Variants in LPA observed in about 807,000 individuals in gnomAD.
LPA encodes the protein apolipoprotein(a).
Under a neutral mutation model 197.9 loss-of-function variants are expected in LPA, and 199 were observed. The ratio of observed to expected loss-of-function variants is 1.01; its 90% CI spans 0.90 to 1.13. LPA has a LOEUF of 1.13. LPA is among the 50% of genes most tolerant of loss of function. The probability of loss-of-function intolerance (pLI) is 0.00; values close to 1 mark genes in which losing one functional copy is unlikely to be tolerated. For synonymous variants in LPA, 715 were observed against 639.5 expected, an observed-to-expected ratio of 1.12 and a Z score of -1.78; for missense variants, 1,853 against 1,785.8, an observed-to-expected ratio of 1.04 and a Z score of -0.68.
At chr6:160,556,447 C>G (rs1050051301) in intron 29 of LPA, among the ~76,000 whole-genome samples, 2 of 152,102 alleles carry the variant, frequency 1.3e-5, no homozygotes, top group Non-Finnish European at 2.9e-5. Flanking sequence ...CATGTGCAAG[C>G]TCTTTCGTAT....
At chr6:160,654,304 T>C (rs1263085213) in intron 1 of LPA, among the ~76,000 whole-genome samples, 1 of 149,350 alleles carries the variant, frequency 6.7e-6, no homozygotes, top group Non-Finnish European at 1.5e-5. Flanking sequence ...TAATTCAGTC[T>C]AGTCTTTTCA....
At chr6:160,562,940 T>G (rs1464599214) in intron 28 of LPA, among the ~76,000 whole-genome samples, 1 of 152,206 alleles carries the variant, frequency 6.6e-6, no homozygotes, top group African/African-American at 2.4e-5. Context: ...TTATTGTGTC[T>G]ATTTGATTCT....
intron 28 of LPA, among the ~76,000 whole-genome samples, chr6:160,564,039 T>C (rs995427261): frequency 2.0e-5 from 3 of 152,256 alleles, no homozygotes; most frequent in Non-Finnish European, 2.9e-5. Flanking sequence ...CTGTGTCTTT[T>C]AATTGGGGCA....
chr6:160,615,427 G>A (rs1779580706), intron 14 of LPA, among the ~76,000 whole-genome samples: 2 of 110,506 alleles, frequency 1.8e-5, no homozygotes, highest in Non-Finnish European at 3.7e-5. Flanking sequence ...GTTGGGTAAT[G>A]TTTTCCTCTG....
At chr6:160,664,068 A>T in intron 1 of LPA, 98 bp downstream of exon 1, 1 of 1,239,874 alleles carries the variant, frequency 8.1e-7, no homozygotes, top group South Asian at 1.3e-5. Context: ...TCATGAATCA[A>T]AAATTAAATG....
intron 28 of LPA, among the ~76,000 whole-genome samples, chr6:160,571,890 G>C (rs1379692365): frequency 6.6e-6 from 1 of 152,092 alleles, no homozygotes; most frequent in African/African-American, 2.4e-5. Flanking sequence ...GAATGGTTCT[G>C]TCTTGCTGGC....
At chr6:160,598,734 T>C (rs1779178536) in intron 20 of LPA, among the ~76,000 whole-genome samples, 2 of 152,210 alleles carry the variant, frequency 1.3e-5, no homozygotes, top group African/African-American at 4.8e-5. Flanking sequence ...AGACCACTGG[T>C]GCTCAGGACC....
intron 20 of LPA, among the ~76,000 whole-genome samples, chr6:160,595,969 G>A (rs914793021): frequency 2.0e-5 from 3 of 152,158 alleles, no homozygotes; most frequent in African/African-American, 7.2e-5. Flanking sequence ...AGTGTGTCTT[G>A]TAGATTGTTT....
At chr6:160,606,062 T>A (rs1779343022) in intron 17 of LPA, among the ~76,000 whole-genome samples, 1 of 152,256 alleles carries the variant, frequency 6.6e-6, no homozygotes, top group Non-Finnish European at 1.5e-5. Context: ...GGTGACAGGC[T>A]CCAGAGCCAC....
chr6:160,540,003 C>A (rs1318639573), intron 36 of LPA, 40 bp downstream of exon 36: 4 of 1,613,900 alleles, frequency 2.5e-6, no homozygotes, highest in African/African-American at 2.7e-5. Context: ...AAGCAAATAT[C>A]TTCACCAGCG....
Position 160,546,698 on chromosome 6 carries a change from A to G in LPA, c.5304+1091T>C, listed in dbSNP as rs116771590. Among the ~76,000 whole-genome samples the G allele has an allele frequency of 8.3e-3, 1,266 of 152,260 alleles. 23 individuals are homozygous for G. Among genetic ancestry groups the G allele is most frequent in the African/African-American group, 0.029 (1,185 of 41,550 alleles). ...AGATAGAGTGTCAGGACCGAGTTAC[A>G]TTGTAGGACACCCAGCTGGTATCTG... is the stretch of plus-strand genomic sequence containing the variant. On this transcript the variant is annotated intron_variant, in intron 32 of 38. Transcript: ENST00000316300.
At chr6:160,583,680 C>A (rs574374303) in intron 26 of LPA, among the ~76,000 whole-genome samples, 1 of 152,148 alleles carries the variant, frequency 6.6e-6, no homozygotes, top group Non-Finnish European at 1.5e-5. Flanking sequence ...CTTGAAGAGA[C>A]TTCTGTGTGT....
chr6:160,547,699 T>G, intron 32 of LPA, 90 bp downstream of exon 32: 1 of 1,578,554 alleles, frequency 6.3e-7, no homozygotes, highest in South Asian at 1.1e-5. Flanking sequence ...CTTAGCCTCC[T>G]GAAGTCTTTC....
intron 28 of LPA, among the ~76,000 whole-genome samples, chr6:160,576,388 A>ATATATATATATATATATATG (rs1778670496): frequency 4.0e-5 from 2 of 50,234 alleles, no homozygotes; most frequent in East Asian, 6.0e-4. Context: ...ATATATATAT[A>ATATATATATATATATATATG]TGTATATATA....
Position 160,606,661 on chromosome 6 carries a change from G to A in LPA, c.2604-3C>T. On this transcript the variant is annotated splice_polypyrimidine_tract_variant and splice_region_variant and intron_variant, in intron 16 of 38. Transcript: ENST00000316300. ...TGCAGTAGTTCATGATCAAGCCACT[G>A]GAAATTCCAAAACGATACACGTCAC... is the stretch of plus-strand genomic sequence containing the variant. 1 of 1,613,912 alleles carries A rather than the reference G, an allele frequency of 6.2e-7. No individual in the cohort carries two copies. The highest frequency in any genetic ancestry group is 8.5e-7 in the Non-Finnish European group (1 of 1,179,906).
At chr6:160,586,025 G>T (rs1178940379) in intron 25 of LPA, among the ~76,000 whole-genome samples, 1 of 152,128 alleles carries the variant, frequency 6.6e-6, no homozygotes, top group Non-Finnish European at 1.5e-5. Context: ...GGTTTCTCAA[G>T]AACAACAGCC....
At position 160,615,339 on chromosome 6, in the gene LPA, G is replaced by C. The variant is rs536601150; in HGVS notation, c.2261+1778C>G. On this transcript the variant is annotated intron_variant, in intron 14 of 38. Coordinates refer to ENST00000316300, the MANE Select transcript of LPA (RefSeq NM_005577.4). ...AGTTTCTGCGTGTGTGTGAGTATGG[G>C]TGTGTTTTCAGTTTGTGTGTGTGTG... Among the ~76,000 whole-genome samples the C allele has an allele frequency of 6.9e-4, 102 of 147,318 alleles. 1 individual carries two copies. Among genetic ancestry groups the C allele is most frequent in the African/African-American group, 2.0e-3 (77 of 38,534 alleles).
At position 160,585,161 on chromosome 6, in the gene LPA, CA is replaced by C; in HGVS notation, c.4173del (p.Asp1392MetfsTer24). On this transcript the variant is annotated frameshift_variant, in exon 26 of 39. Transcript: ENST00000316300. LOFTEE classifies it high-confidence loss of function. The part of the protein sequence containing the change: ...NSTGVQDCYR[G>X]DGQSYRGTLS... ...AGTGTGCCTCGATAACTCTGTCCAT[CA>C]CCTCGGTAGCAGTCCTGGACCCCAG... 1 of 1,613,716 alleles carries C rather than the reference CA, an allele frequency of 6.2e-7. No individual in the cohort carries two copies. Among genetic ancestry groups the C allele is most frequent in the Non-Finnish European group, 8.5e-7 (1 of 1,179,808 alleles).
chr6:160,603,277 C>A (rs971679298), intron 18 of LPA, among the ~76,000 whole-genome samples: 8 of 138,712 alleles, frequency 5.8e-5, no homozygotes, highest in African/African-American at 1.8e-4. Flanking sequence ...TGTTTCTAAG[C>A]CTGTGCATGT....
Sources: allele counts gnomAD v4.1 joint callset (sites outside exome capture counted in the v4.1 genomes callset), GRCh38; gene constraint gnomAD v4.1.1; transcripts MANE v1.5; gene names NCBI Gene and HGNC (gene_info 2026-07-23, HGNC 2026-07-21).